The following ACYP2 variants were observed in gnomAD, a reference collection of about 807,000 sequenced individuals.
ACYP2 encodes acylphosphatase 2, also known as acylphosphatase-2.
ACYP2 carries 12 observed loss-of-function variants against 11.2 expected under a neutral mutation model. The ratio of observed to expected loss-of-function variants is 1.08; its 90% CI spans 0.69 to 1.74. ACYP2 has a LOEUF of 1.74. Among genes scored for constraint, ACYP2 ranks in the 40% most tolerant of loss-of-function variants. ACYP2 has a pLI of 0.00. For synonymous variants in ACYP2, 43 were observed against 32.2 expected, an observed-to-expected ratio of 1.33 and a Z score of -1.13; for missense variants, 134 against 101.9, an observed-to-expected ratio of 1.31 and a Z score of -1.35.
chr2:54,282,871 T>A (rs1688908404), intron 6 of ACYP2, among the ~76,000 whole-genome samples: 1 of 152,224 alleles, frequency 6.6e-6, no homozygotes, highest in Non-Finnish European at 1.5e-5. Flanking sequence ...AGAATACACC[T>A]TCAAAGAGTG....
intron 6 of ACYP2, among the ~76,000 whole-genome samples, chr2:54,207,222 G>A (rs955427710): frequency 9.7e-6 from 1 of 102,990 alleles, no homozygotes; most frequent in African/African-American, 3.0e-5. Context: ...GAGAATGTGA[G>A]GAAATGGCTC....
chr2:54,243,349 T>C (rs541977552), intron 6 of ACYP2, among the ~76,000 whole-genome samples: 12 of 152,320 alleles, frequency 7.9e-5, no homozygotes, highest in Non-Finnish European at 1.6e-4. Context: ...TGGCACGTTA[T>C]TGTACTTAAT....
At chr2:54,005,630 C>T (rs1183189933) in intron 2 of ACYP2, among the ~76,000 whole-genome samples, 6 of 152,144 alleles carry the variant, frequency 3.9e-5, no homozygotes, top group Admixed American at 3.9e-4. Context: ...TCAGCCACTG[C>T]GCCCAGCCTG....
rs566492425 is a variant in ACYP2 at position 54,256,230 on chromosome 2, G to A, written c.405-48458G>A. On this transcript the variant is annotated intron_variant, in intron 6 of 6. Transcript: ENST00000607452. The stretch of plus-strand genomic sequence containing the variant: ...GTCAACGTTCCTCACACAAAATGGC[G>A]AGTAAACACCTCGCCCATTTGCGCC... 307 of 1,496,604 alleles carry A rather than the reference G, an allele frequency of 2.1e-4. 4 individuals carry two copies. In the South Asian group the frequency reaches 3.4e-3, roughly 16 times the overall value. 92.7% of individuals were successfully genotyped at this position (1,496,604 alleles called of 1,614,324 possible).
At chr2:54,247,413 A>T (rs1687007146) in intron 6 of ACYP2, among the ~76,000 whole-genome samples, 1 of 152,214 alleles carries the variant, frequency 6.6e-6, no homozygotes, top group African/African-American at 2.4e-5. Context: ...TCTGGAATTA[A>T]AGCAGAAAGC....
chr2:54,144,652 C>T, intron 6 of ACYP2, among the ~76,000 whole-genome samples: 1 of 149,456 alleles, frequency 6.7e-6, no homozygotes, highest in African/African-American at 2.5e-5. Flanking sequence ...CTAGCCTGGG[C>T]TCCAGAGCAA....
intron 6 of ACYP2, among the ~76,000 whole-genome samples, chr2:54,281,448 A>G (rs1020889538): frequency 1.3e-5 from 2 of 152,230 alleles, no homozygotes; most frequent in African/African-American, 4.8e-5. Flanking sequence ...TTACTAGCCT[A>G]CATGATGATA....
chr2:54,011,172 G>C (rs1406563134), intron 2 of ACYP2, among the ~76,000 whole-genome samples: 2 of 152,114 alleles, frequency 1.3e-5, no homozygotes, highest in Admixed American at 6.6e-5. Context: ...AAATATCCAA[G>C]TAATCAGTTA....
chr2:54,112,894 A>G lies in ACYP2; in HGVS notation c.278-22559A>G, dbSNP rs1054056917. ...GTTGCTATAGCACTTCTAAAATTCAAATAAACCTACCTAATAATTGGCAGG... is the reference window on the plus strand; with the variant it reads ...GTTGCTATAGCACTTCTAAAATTCAGATAAACCTACCTAATAATTGGCAGG... On this transcript the variant is annotated intron_variant, in intron 4 of 6. Coordinates refer to ENST00000607452, the MANE Select transcript of ACYP2 (RefSeq NM_001320586.2). 4.6e-5 allele frequency among the ~76,000 whole-genome samples: 7 copies of G among 152,350 alleles called. No homozygotes were observed. In the South Asian group the frequency reaches 1.2e-3, roughly 27 times the overall value.
intron 2 of ACYP2, among the ~76,000 whole-genome samples, chr2:54,032,784 AAGG>A (rs1257558105): frequency 6.6e-6 from 1 of 152,198 alleles, no homozygotes; most frequent in Non-Finnish European, 1.5e-5. Flanking sequence ...GGACCTCTTC[AAGG>A]AGAACTACAA....
intron 6 of ACYP2, among the ~76,000 whole-genome samples, chr2:54,273,878 GT>G (rs1361777029): frequency 6.6e-6 from 1 of 152,152 alleles, no homozygotes; most frequent in Non-Finnish European, 1.5e-5. Context: ...ACTACCAATA[GT>G]TACAAACAAT....
intron 6 of ACYP2, among the ~76,000 whole-genome samples, chr2:54,186,713 C>T (rs1684018998): frequency 6.6e-6 from 1 of 152,002 alleles, no homozygotes; most frequent in Admixed American, 6.6e-5. Context: ...GGGGCTTCAC[C>T]ATGTTGGCCA....
chr2:54,201,636 C>CTTTGTTTCTTTTTCTT lies in ACYP2; in HGVS notation c.404+62889_404+62890insTTGTTTCTTTTTCTTT, dbSNP rs59874821. 4.1e-3 allele frequency among the ~76,000 whole-genome samples: 385 copies of CTTTGTTTCTTTTTCTT among 93,670 alleles called. 8 individuals carry two copies. Among genetic ancestry groups the CTTTGTTTCTTTTTCTT allele is most frequent in the East Asian group, 0.015 (47 of 3,106 alleles). 61.5% of individuals were successfully genotyped at this position (93,670 alleles called of 152,430 possible). On this transcript the variant is annotated intron_variant, in intron 6 of 6. Transcript: ENST00000607452. ...TCTTTCTTTCTTTGTTTCTTTCTTT[C>CTTTGTTTCTTTTTCTT]TCTTTCTTTCTTTCTTTCTTTCTTT...
chr2:54,137,597 T>G (rs1394410784), intron 5 of ACYP2, among the ~76,000 whole-genome samples: 1 of 152,152 alleles, frequency 6.6e-6, no homozygotes, highest in East Asian at 1.9e-4. Flanking sequence ...TCATGTTCCT[T>G]CAAAGGACAT....
chr2:54,104,814 A>C (rs978738348), intron 4 of ACYP2, among the ~76,000 whole-genome samples: 3 of 152,204 alleles, frequency 2.0e-5, no homozygotes, highest in African/African-American at 7.2e-5. Flanking sequence ...GGAGATGGGA[A>C]GAACACTCCC....
intron 4 of ACYP2, among the ~76,000 whole-genome samples, chr2:54,112,412 A>T: frequency 6.6e-6 from 1 of 151,970 alleles, no homozygotes; most frequent in East Asian, 1.9e-4. Flanking sequence ...GTAGTAATAT[A>T]TTTAAATTGG....
At chr2:54,227,021 G>C (rs1446910039) in intron 6 of ACYP2, among the ~76,000 whole-genome samples, 3 of 152,150 alleles carry the variant, frequency 2.0e-5, no homozygotes, top group Non-Finnish European at 4.4e-5. Flanking sequence ...TGTTATTTTG[G>C]TGAAGGTGCA....
At chr2:54,274,464 G>A (rs75639557) in intron 6 of ACYP2, among the ~76,000 whole-genome samples, 1 of 151,782 alleles carries the variant, frequency 6.6e-6, no homozygotes, top group South Asian at 2.1e-4. Context: ...AACATAGTGA[G>A]CCCATTTCTA....
chr2:54,125,149 G>A, intron 4 of ACYP2, among the ~76,000 whole-genome samples: 1 of 151,820 alleles, frequency 6.6e-6, no homozygotes, highest in Middle Eastern at 3.2e-3. Flanking sequence ...TAGAAAAGCT[G>A]GTGATAAAAA....
Sources: gnomAD v4.1 joint callset for allele counts (sites outside exome capture counted in the v4.1 genomes callset) on GRCh38, gnomAD v4.1.1 for gene constraint, MANE v1.5 for transcripts, NCBI Gene and HGNC (gene_info 2026-07-23, HGNC 2026-07-21) for gene names.